LRRC4C: variants seen among roughly 807,000 people sequenced by gnomAD.
LRRC4C encodes leucine rich repeat containing 4C.
Under a neutral mutation model 33.6 loss-of-function variants are expected in LRRC4C, and 5 were observed. The ratio of observed to expected loss-of-function variants is 0.15; its 90% CI spans 0.08 to 0.31. The LOEUF (loss-of-function observed/expected upper bound fraction) is 0.31. LRRC4C is among the 10% of genes least tolerant of loss of function. The probability of loss-of-function intolerance (pLI) is 1.00; values close to 1 mark genes in which losing one functional copy is unlikely to be tolerated. For missense variants in LRRC4C, 560 were observed against 796.7 expected, an observed-to-expected ratio of 0.70 and a Z score of 3.58; for synonymous variants, 329 against 302.0, an observed-to-expected ratio of 1.09 and a Z score of -0.93.
chr11:41,232,839 A>AACC (rs1250718898), intron 1 of LRRC4C, among the ~76,000 whole-genome samples: 1 of 151,836 alleles, frequency 6.6e-6, no homozygotes, highest in Non-Finnish European at 1.5e-5. Context: ...AACAATTAGC[A>AACC]ATTTTGTGAA....
intron 4 of LRRC4C, among the ~76,000 whole-genome samples, chr11:40,295,638 T>G (rs1311650495): frequency 6.6e-6 from 1 of 152,222 alleles, no homozygotes; most frequent in Non-Finnish European, 1.5e-5. Context: ...CTTTGCATAC[T>G]GAGAGCATGC....
At chr11:40,363,437 C>A (rs1262745429) in intron 3 of LRRC4C, among the ~76,000 whole-genome samples, 1 of 151,942 alleles carries the variant, frequency 6.6e-6, no homozygotes, top group African/African-American at 2.4e-5. Context: ...GGGAGAGGAT[C>A]AGGGAAAATA....
chr11:41,250,025 C>T lies in LRRC4C; in HGVS notation c.-496+209406G>A, dbSNP rs377393639. On this transcript the variant is annotated intron_variant, in intron 1 of 6. Transcript: ENST00000528697. Reference sequence around the variant, plus strand: ...CTAAAAAAAAAAATACAAAAATTAGCCAGGTGTGATGGCAGCGCCTGTAAT... The same window carrying T: ...CTAAAAAAAAAAATACAAAAATTAGTCAGGTGTGATGGCAGCGCCTGTAAT... 1.5e-3 allele frequency among the ~76,000 whole-genome samples: 221 copies of T among 151,944 alleles called. 1 individual carries two copies. The highest frequency in any genetic ancestry group is 6.8e-3 in the Middle Eastern group (2 of 294).
chr11:40,941,027 A>T (rs192867398), intron 1 of LRRC4C, among the ~76,000 whole-genome samples: 26 of 152,012 alleles, frequency 1.7e-4, no homozygotes, highest in African/African-American at 5.1e-4. Context: ...AATCTTAAAT[A>T]CGAAAAATGA....
chr11:40,771,368 A>G (rs1949747785), intron 2 of LRRC4C, among the ~76,000 whole-genome samples: 1 of 152,182 alleles, frequency 6.6e-6, no homozygotes, highest in African/African-American at 2.4e-5. Context: ...AGGTCTGCAC[A>G]GAACAGCAGA....
intron 1 of LRRC4C, among the ~76,000 whole-genome samples, chr11:40,939,130 G>T (rs1396687030): frequency 6.6e-6 from 1 of 152,164 alleles, no homozygotes; most frequent in Non-Finnish European, 1.5e-5. Flanking sequence ...TGGACTAATT[G>T]TCTCACGATT....
intron 2 of LRRC4C, among the ~76,000 whole-genome samples, chr11:40,789,341 G>A (rs1275330659): frequency 6.6e-6 from 1 of 152,046 alleles, no homozygotes; most frequent in African/African-American, 2.4e-5. Flanking sequence ...TTGATAACTA[G>A]TCTGGGATAC....
intron 1 of LRRC4C, among the ~76,000 whole-genome samples, chr11:41,142,724 A>G (rs1020154983): frequency 6.6e-6 from 1 of 152,342 alleles, no homozygotes; most frequent in Non-Finnish European, 1.5e-5. Context: ...AATAAAAATC[A>G]ATGAAAGTGC....
chr11:40,321,145 C>T (rs1387495524), intron 3 of LRRC4C, among the ~76,000 whole-genome samples: 1 of 152,118 alleles, frequency 6.6e-6, no homozygotes, highest in Non-Finnish European at 1.5e-5. Context: ...AAACCACCAA[C>T]AATATGTAAG....
At chr11:41,041,597 A>G (rs975062759) in intron 1 of LRRC4C, among the ~76,000 whole-genome samples, 2 of 152,178 alleles carry the variant, frequency 1.3e-5, no homozygotes, top group African/African-American at 4.8e-5. Context: ...GTTACCATCA[A>G]TAAGTGGTTG....
At chr11:40,756,681 A>G (rs1948964753) in intron 2 of LRRC4C, among the ~76,000 whole-genome samples, 1 of 152,118 alleles carries the variant, frequency 6.6e-6, no homozygotes, top group Non-Finnish European at 1.5e-5. Flanking sequence ...AAACGTCCTC[A>G]AAATGCAAAC....
At chr11:40,418,843 GC>G (rs1950422146) in intron 3 of LRRC4C, among the ~76,000 whole-genome samples, 1 of 152,118 alleles carries the variant, frequency 6.6e-6, no homozygotes, top group Non-Finnish European at 1.5e-5. Flanking sequence ...CATTATGGAA[GC>G]CATTATCTTC....
chr11:41,348,197 G>T (rs567739419), intron 1 of LRRC4C, among the ~76,000 whole-genome samples: 75 of 152,292 alleles, frequency 4.9e-4, no homozygotes, highest in African/African-American at 1.8e-3. Context: ...AGGCATTAGT[G>T]AAGGCACACC....
chr11:40,376,629 C>G (rs1481818765), intron 3 of LRRC4C, among the ~76,000 whole-genome samples: 1 of 152,044 alleles, frequency 6.6e-6, no homozygotes, highest in Non-Finnish European at 1.5e-5. Flanking sequence ...GATGAAGTTA[C>G]CAACTTTGAA....
At chr11:40,718,725 C>T (rs1009442957) in intron 2 of LRRC4C, among the ~76,000 whole-genome samples, 12 of 152,128 alleles carry the variant, frequency 7.9e-5, no homozygotes, top group African/African-American at 2.9e-4. Context: ...AAGCATGCTG[C>T]TATTTGTAAA....
intron 1 of LRRC4C, among the ~76,000 whole-genome samples, chr11:41,261,619 T>C (rs1300773662): frequency 2.0e-5 from 3 of 152,140 alleles, no homozygotes; most frequent in East Asian, 1.9e-4. Flanking sequence ...GAACATGTTA[T>C]AAAGTACACA....
chr11:40,915,793 C>T (rs28803818), intron 2 of LRRC4C, among the ~76,000 whole-genome samples: 6,592 of 152,010 alleles, frequency 0.043, 435 homozygotes, highest in African/African-American at 0.15. Context: ...TTGCAATCTA[C>T]TCATCTGACA....
At chr11:40,676,357 G>A (rs1047635156) in intron 2 of LRRC4C, among the ~76,000 whole-genome samples, 1 of 152,124 alleles carries the variant, frequency 6.6e-6, no homozygotes, top group Non-Finnish European at 1.5e-5. Context: ...ATGGAAGGCA[G>A]GGTTAGATGA....
At chr11:40,768,505 A>C (rs1949592739) in intron 2 of LRRC4C, among the ~76,000 whole-genome samples, 1 of 152,198 alleles carries the variant, frequency 6.6e-6, no homozygotes, top group South Asian at 2.1e-4. Flanking sequence ...GACCATTATT[A>C]CACTGATACC....
Sources: allele counts gnomAD v4.1 joint callset (sites outside exome capture counted in the v4.1 genomes callset), GRCh38; gene constraint gnomAD v4.1.1; transcripts MANE v1.5; gene names NCBI Gene and HGNC (gene_info 2026-07-23, HGNC 2026-07-21).